KCNA3: variants seen among roughly 807,000 people sequenced by gnomAD.
KCNA3 encodes RP11-284N8.3.
KCNA3 carries 18 observed loss-of-function variants against 34.3 expected under a neutral mutation model. The ratio of observed to expected loss-of-function variants is 0.52; its 90% confidence interval spans 0.36 to 0.78. The LOEUF (loss-of-function observed/expected upper bound fraction) is 0.78, where lower values mean the gene tolerates loss of function less well. Among genes scored for constraint, KCNA3 ranks in the 30% least tolerant of loss-of-function variants. The pLI is 0.00. For missense variants in KCNA3, 587 were observed against 802.5 expected (o/e 0.73, Z 3.24); for synonymous variants, 324 against 351.7 (o/e 0.92, Z 0.88).
chr1:110,674,733 G>A lies in KCNA3; in HGVS notation c.77C>T (p.Pro26Leu). 1 of 1,426,140 alleles carries A rather than the reference G, an allele frequency of 7.0e-7. No individual in the cohort carries two copies. Among genetic ancestry groups the A allele is most frequent in the Non-Finnish European group, 9.1e-7 (1 of 1,098,132 alleles). 88.3% of individuals were successfully genotyped at this position (1,426,140 alleles called of 1,614,324 possible). The part of the protein sequence containing the change: ...ARHRAHPPQR[P>L]ASSGGAHTLV... ...CGTGTGGGCACCGCCGCTGCTCGCT[G>A]GGCGCTGAGGAGGGTGGGCGCGGTG... The change falls in exon 1 of 1, where the codon CCA becomes CTA. Residue 26 changes from proline to leucine, a missense_variant. Coordinates refer to ENST00000369769, the MANE Select transcript of KCNA3 (RefSeq NM_002232.5). The surrounding 1 kb of genome is among the most constrained non-coding windows in gnomAD (Gnocchi z 6.4).
chr1:110,659,127 G>C, the KCNA3 span, among the ~76,000 whole-genome samples: 1 of 150,014 alleles, frequency 6.7e-6, no homozygotes, highest in Non-Finnish European at 1.5e-5. Context: ...CCAGAACATG[G>C]AATATAACAC....
At chr1:110,656,151 G>A in the KCNA3 span, 15 of 152,072 alleles carry the variant, frequency 9.9e-5, no homozygotes, top group Non-Finnish European at 1.8e-4. Context: ...TCATCGATAA[G>A]CATGATATAC....
downstream of KCNA3, among the ~76,000 whole-genome samples, chr1:110,669,440 T>C (rs913250325): frequency 1.3e-5 from 2 of 152,226 alleles, no homozygotes; most frequent in Non-Finnish European, 2.9e-5. Flanking sequence ...CTTCATCTTA[T>C]TTAAATAACT....
chr1:110,669,034 T>C (rs1422669040), downstream of KCNA3, among the ~76,000 whole-genome samples: 1 of 152,228 alleles, frequency 6.6e-6, no homozygotes, highest in African/African-American at 2.4e-5. Flanking sequence ...TTAATTTCTT[T>C]AGAGCACAGA....
chr1:110,664,515 T>G, the KCNA3 span, among the ~76,000 whole-genome samples: 1 of 151,980 alleles, frequency 6.6e-6, no homozygotes, highest in Non-Finnish European at 1.5e-5. Flanking sequence ...TGATGAGGAG[T>G]GTAAGCCACA....
rs764269530 is a variant in KCNA3, at chr1:110,674,197, G to T, written c.613C>A (p.Arg205=). 1 of 1,612,612 alleles carries T rather than the reference G, an allele frequency of 6.2e-7. No individual in the cohort carries two copies. Among genetic ancestry groups the T allele is most frequent in the Non-Finnish European group, 8.5e-7 (1 of 1,179,162 alleles). The part of the protein sequence containing the change: ...EKFREDEGFL[R]EEERPLPRRD... ...CGGGGCAAGGGCCGCTCCTCCTCCC[G>T]CAGGAAGCCCTCGTCCTCGCGGAAC... The change falls in exon 1 of 1, where the codon CGG becomes AGG. Residue 205 remains arginine, a synonymous_variant. Coordinates refer to ENST00000369769, the MANE Select transcript of KCNA3 (RefSeq NM_002232.5). The surrounding 1 kb of genome is among the most constrained non-coding windows in gnomAD (Gnocchi z 6.4).
chr1:110,662,078 A>C, the KCNA3 span, among the ~76,000 whole-genome samples: 4 of 134,168 alleles, frequency 3.0e-5, no homozygotes, highest in Non-Finnish European at 6.1e-5. Context: ...GTGCCACTGC[A>C]CTCCAGCCTG....
the KCNA3 span, among the ~76,000 whole-genome samples, chr1:110,665,509 G>C: frequency 6.6e-6 from 1 of 152,094 alleles, no homozygotes; most frequent in Non-Finnish European, 1.5e-5. Context: ...GGCTAGAGAG[G>C]GGAGAAGGAC....
the KCNA3 span, chr1:110,654,426 G>C: frequency 6.6e-6 from 1 of 152,070 alleles, no homozygotes; most frequent in South Asian, 2.1e-4. Context: ...AATCAGAATG[G>C]ATGCAGTTTC....
Position 110,673,203 on chromosome 1 carries a change from C to G in KCNA3, c.1607G>C (p.Gly536Ala), listed in dbSNP as rs199848826. Residue 536 changes from glycine (G) to alanine (A), a missense_variant, in exon 1 of 1, where the codon GGT (glycine) becomes GCT (alanine). Transcript: ENST00000369769. This position sits in a 1 kb window ranked among gnomAD's most constrained non-coding sequence, Gnocchi z 8.8. ...KSEYMVIEEG[G>A]MNHSAFPQTP... ...CTGGGGGAAAGCGCTATGGTTCATACCCCCCTCTTCGATCACCATATACTC... is the reference window on the plus strand; with the variant it reads ...CTGGGGGAAAGCGCTATGGTTCATAGCCCCCTCTTCGATCACCATATACTC... 21 of 1,614,098 alleles carry G rather than the reference C, an allele frequency of 1.3e-5. No homozygotes were observed. In the African/African-American group the frequency reaches 1.5e-4, roughly 11 times the overall value.
At chr1:110,662,006 G>T in the KCNA3 span, among the ~76,000 whole-genome samples, 1 of 151,302 alleles carries the variant, frequency 6.6e-6, no homozygotes, top group African/African-American at 2.4e-5. Context: ...ACAGCTACCC[G>T]GGAGGCTGAG....
chr1:110,666,420 C>A, the KCNA3 span, among the ~76,000 whole-genome samples: 1 of 152,126 alleles, frequency 6.6e-6, no homozygotes, highest in African/African-American at 2.4e-5. Context: ...GGAGCTTATC[C>A]TGTAACTGGA....
At chr1:110,672,126 T>TG (rs1453178199), downstream of KCNA3, among the ~76,000 whole-genome samples, 4 of 151,862 alleles carry the variant, frequency 2.6e-5, no homozygotes, top group African/African-American at 4.8e-5. Context: ...GGCTGGGAGG[T>TG]GGGGCTAGAG....
chr1:110,663,465 C>A, the KCNA3 span, among the ~76,000 whole-genome samples: 7 of 152,054 alleles, frequency 4.6e-5, no homozygotes, highest in Non-Finnish European at 1.0e-4. Flanking sequence ...TGTGCCACTT[C>A]GATATGCAGA....
Position 110,673,156 on chromosome 1 carries a change from A to T in KCNA3, c.1654T>A (p.Ser552Thr). Residue 552 changes from serine to threonine, a missense_variant, in exon 1 of 1, where the codon TCC becomes ACC. Physicochemically the swap from Ser to Thr is moderately conservative, Grantham distance 58 (BLOSUM62 1). Coordinates refer to ENST00000369769, the MANE Select transcript of KCNA3 (RefSeq NM_002232.5). This position sits in a 1 kb window ranked among gnomAD's most constrained non-coding sequence, Gnocchi z 8.8. ...TTGTTCGTGGTGCAGGTGGCAGTGGAATTGCCCGTTTTGAAAGGGGTCTGG... is the reference window on the plus strand; with the variant it reads ...TTGTTCGTGGTGCAGGTGGCAGTGGTATTGCCCGTTTTGAAAGGGGTCTGG... ...FPQTPFKTGNSTATCTTNNNP... is the reference protein window; with the variant it reads ...FPQTPFKTGNTTATCTTNNNP... 1 of 1,614,112 alleles carries T rather than the reference A, an allele frequency of 6.2e-7. No homozygotes were observed. The highest frequency in any genetic ancestry group is 8.5e-7 in the Non-Finnish European group (1 of 1,180,014).
the KCNA3 span, among the ~76,000 whole-genome samples, chr1:110,660,456 G>A: frequency 6.6e-6 from 1 of 151,986 alleles, no homozygotes; most frequent in Admixed American, 6.6e-5. Flanking sequence ...GGTAATCTAT[G>A]ATGAGAACTC....
At chr1:110,659,890 T>A in the KCNA3 span, among the ~76,000 whole-genome samples, 23 of 128,892 alleles carry the variant, frequency 1.8e-4, no homozygotes, top group African/African-American at 4.1e-4. Context: ...AACAATGAGA[T>A]CACTCGGACA....
Position 110,672,860 on chromosome 1 carries a change from G to C in KCNA3, c.*222C>G, listed in dbSNP as rs1651937408. On this transcript the variant is annotated 3_prime_UTR_variant, in exon 1 of 1. Transcript: ENST00000369769. ...GTTGTTTACAATGTTAAGAGAGAGA[G>C]GGTAAGAGGGAAAAGGAGAGCTGAG... is the stretch of plus-strand genomic sequence containing the variant. 1 of 544,960 alleles carries C rather than the reference G, an allele frequency of 1.8e-6. No individual in the cohort carries two copies. The allele number at this position is 544,960 out of a possible 1,614,324, so 33.8% of individuals were successfully genotyped here. A position where few individuals can be genotyped will look rare whatever the true frequency, so the allele number is the denominator to read the frequency against.
Position 110,674,379 on chromosome 1 carries a change from C to T in KCNA3, c.431G>A (p.Arg144His). Reference protein sequence around the residue: ...KRRMRYFDPLRNEYFFDRNRP... With the variant: ...KRRMRYFDPLHNEYFFDRNRP... ...GTTGCGGTCGAAGAAGTACTCGTTG[C>T]GGAGCGGGTCGAAGTACCTCATGCG... The change falls in exon 1 of 1, where the codon CGC becomes CAC. Residue 144 changes from arginine (R) to histidine (H), a missense_variant. Around this residue, in one of 7 missense-constraint regions of KCNA3, gnomAD observed 341 missense variants for 355.4 expected, o/e 0.96. Transcript: ENST00000369769. The surrounding 1 kb of genome is among the most constrained non-coding windows in gnomAD (Gnocchi z 6.4). 6.2e-7 allele frequency: 1 copy of T among 1,614,148 alleles called. No homozygotes were observed. The highest frequency in any genetic ancestry group is 8.5e-7 in the Non-Finnish European group (1 of 1,180,006).
Sources: allele counts gnomAD v4.1 joint callset (sites outside exome capture counted in the v4.1 genomes callset), GRCh38; gene constraint gnomAD v4.1.1; regional missense constraint gnomAD v4.1.1; non-coding constraint Gnocchi (gnomAD v3.1); transcripts MANE v1.5; gene names NCBI Gene and HGNC (gene_info 2026-07-23, HGNC 2026-07-21).